Variants in EYS observed in about 807,000 individuals in gnomAD.
EYS encodes the protein protein eyes shut homolog.
A neutral mutation model predicts 282.1 loss-of-function variants in EYS; 250 were observed. The ratio of observed to expected loss-of-function variants is 0.89; its 90% confidence interval spans 0.80 to 0.98. The LOEUF (loss-of-function observed/expected upper bound fraction) is 0.98, where lower values mean the gene tolerates loss of function less well. Among genes scored for constraint, EYS ranks in the 50% least tolerant of loss-of-function variants. The probability of loss-of-function intolerance (pLI) is 0.00; values close to 1 mark genes in which losing one functional copy is unlikely to be tolerated. For missense variants in EYS, 4,016 were observed against 3,709.0 expected, an observed-to-expected ratio of 1.08 and a Z score of -2.15; for synonymous variants, 1,355 against 1,282.9, an observed-to-expected ratio of 1.06 and a Z score of -1.20.
intron 36 of EYS, among the ~76,000 whole-genome samples, chr6:63,845,231 A>G (rs1475681463): frequency 6.6e-6 from 1 of 152,194 alleles, no homozygotes; most frequent in Admixed American, 6.5e-5. Context: ...TTCATTAGCT[A>G]TGAAGAAAGT....
intron 33 of EYS, among the ~76,000 whole-genome samples, chr6:64,017,541 C>T (rs565069552): frequency 3.9e-5 from 6 of 152,294 alleles, no homozygotes; most frequent in Admixed American, 3.9e-4. Flanking sequence ...GTAGCCTCAG[C>T]TGTAAGTACA....
At chr6:64,909,594 G>A (rs890615723) in intron 16 of EYS, among the ~76,000 whole-genome samples, 1 of 152,116 alleles carries the variant, frequency 6.6e-6, no homozygotes, top group Middle Eastern at 3.4e-3. Flanking sequence ...TGTAGAAAAT[G>A]TTCATTATTC....
At chr6:63,911,697 A>G (rs539781616) in intron 35 of EYS, among the ~76,000 whole-genome samples, 99 of 152,272 alleles carry the variant, frequency 6.5e-4, no homozygotes, top group Non-Finnish European at 1.3e-3. Flanking sequence ...CATAGATTCA[A>G]ATTTTTTAGG....
chr6:64,094,498 CGAG>C (rs1400954264), intron 31 of EYS, among the ~76,000 whole-genome samples: 1 of 152,084 alleles, frequency 6.6e-6, no homozygotes, highest in Admixed American at 6.6e-5. Context: ...GTGTATGTGT[CGAG>C]GAATTTATCC....
At chr6:65,619,406 A>T (rs1375606626) in intron 2 of EYS, among the ~76,000 whole-genome samples, 1 of 152,158 alleles carries the variant, frequency 6.6e-6, no homozygotes, top group Non-Finnish European at 1.5e-5. Context: ...TTGATCTTGT[A>T]TCCTGAGACT....
At chr6:63,853,550 C>T (rs1010315718) in intron 36 of EYS, among the ~76,000 whole-genome samples, 1 of 152,146 alleles carries the variant, frequency 6.6e-6, no homozygotes, top group African/African-American at 2.4e-5. Flanking sequence ...TGCAAATGGC[C>T]ATACTGCCCA....
intron 12 of EYS, among the ~76,000 whole-genome samples, chr6:65,184,940 A>G (rs1459275801): frequency 6.6e-6 from 1 of 151,672 alleles, no homozygotes; most frequent in African/African-American, 2.4e-5. Context: ...TTTATTTTGG[A>G]TAGATGCATA....
intron 29 of EYS, among the ~76,000 whole-genome samples, chr6:64,352,899 A>T (rs1242466588): frequency 6.6e-6 from 1 of 151,482 alleles, no homozygotes; most frequent in Non-Finnish European, 1.5e-5. Flanking sequence ...CTAATTATAC[A>T]GTTCATTCTA....
intron 12 of EYS, among the ~76,000 whole-genome samples, chr6:65,214,129 A>G (rs930519410): frequency 7.9e-6 from 1 of 126,448 alleles, no homozygotes; most frequent in Non-Finnish European, 1.6e-5. Flanking sequence ...ACTGCACTCC[A>G]GCCTGGGCGA....
chr6:64,449,121 G>A (rs1398833073), intron 26 of EYS, among the ~76,000 whole-genome samples: 4 of 152,076 alleles, frequency 2.6e-5, no homozygotes, highest in East Asian at 3.9e-4. Flanking sequence ...AAAATTAGAC[G>A]AATGGATAAC....
At chr6:65,036,630 A>T (rs12176526) in intron 13 of EYS, among the ~76,000 whole-genome samples, 2 of 151,504 alleles carry the variant, frequency 1.3e-5, no homozygotes, top group South Asian at 4.2e-4. Flanking sequence ...AAAAAAAAAC[A>T]AAAAAACACC....
intron 29 of EYS, among the ~76,000 whole-genome samples, chr6:64,366,951 G>T (rs1039134620): frequency 1.3e-5 from 2 of 152,010 alleles, no homozygotes; most frequent in African/African-American, 4.8e-5. Context: ...AGAATTTAGT[G>T]CAATATAAAG....
At chr6:64,883,373 T>A (rs1466726286) in intron 19 of EYS, among the ~76,000 whole-genome samples, 2 of 151,504 alleles carry the variant, frequency 1.3e-5, no homozygotes, top group Non-Finnish European at 3.0e-5. Context: ...CTACATGGCA[T>A]TATTATCAAA....
At chr6:63,932,638 A>G (rs1764931577) in intron 35 of EYS, among the ~76,000 whole-genome samples, 1 of 152,156 alleles carries the variant, frequency 6.6e-6, no homozygotes, top group African/African-American at 2.4e-5. Flanking sequence ...TTCTCCTATG[A>G]AAAGCTAATA....
At chr6:64,680,796 G>A (rs980182150) in intron 22 of EYS, among the ~76,000 whole-genome samples, 2 of 152,128 alleles carry the variant, frequency 1.3e-5, no homozygotes, top group African/African-American at 2.4e-5. Context: ...TCACCTTCAC[G>A]CAGGGCCTGG....
At chr6:65,382,651 G>A (rs1211498563) in intron 8 of EYS, among the ~76,000 whole-genome samples, 4 of 151,954 alleles carry the variant, frequency 2.6e-5, no homozygotes, top group African/African-American at 9.7e-5. Context: ...TCTGCAAGCT[G>A]AGGAGCAAGG....
intron 8 of EYS, among the ~76,000 whole-genome samples, chr6:65,368,183 C>T (rs562214125): frequency 2.6e-5 from 4 of 151,620 alleles, no homozygotes; most frequent in Admixed American, 6.7e-5. Context: ...TGGGGGTAAC[C>T]GCCCCCATGA....
chr6:65,217,353 T>C lies in EYS; in HGVS notation c.2023+78510A>G, dbSNP rs541673765. On this transcript the variant is annotated intron_variant, in intron 12 of 42. Transcript: ENST00000503581. ...TTCATTCCATGAAGATGAAGTATTA[T>C]GTATAGCAATGCTTTTTTCAAAGAA... Among the ~76,000 whole-genome samples the C allele has an allele frequency of 7.3e-4, 111 of 152,248 alleles. 2 individuals carry two copies. Among genetic ancestry groups the C allele is most frequent in the Non-Finnish European group, 1.4e-3 (97 of 67,940 alleles).
chr6:65,013,396 A>G (rs1413415308), intron 13 of EYS, among the ~76,000 whole-genome samples: 2 of 152,170 alleles, frequency 1.3e-5, no homozygotes, highest in Non-Finnish European at 2.9e-5. Context: ...ACTGTGCTAG[A>G]CGCGGGAGGT....
Sources: gnomAD v4.1 joint callset for allele counts (sites outside exome capture counted in the v4.1 genomes callset) on GRCh38, gnomAD v4.1.1 for gene constraint, MANE v1.5 for transcripts, NCBI Gene and HGNC (gene_info 2026-07-23, HGNC 2026-07-21) for gene names.